The following UBTD1 variants were observed in gnomAD, a reference collection of about 807,000 sequenced individuals.
The protein encoded by UBTD1 is ubiquitin domain-containing protein 1.
Under a neutral mutation model 21.7 loss-of-function variants are expected in UBTD1, and 19 were observed. The ratio of observed to expected loss-of-function variants is 0.87; its 90% confidence interval spans 0.61 to 1.28. The LOEUF is 1.28. UBTD1 is among the 50% of genes most tolerant of loss of function. The pLI is 0.00. For missense variants in UBTD1, 282 were observed against 315.1 expected (o/e 0.89, Z 0.80); for synonymous variants, 116 against 135.1 (o/e 0.86, Z 0.98).
intron 1 of UBTD1, among the ~76,000 whole-genome samples, chr10:97,538,213 C>T (rs1304097427): frequency 1.3e-5 from 2 of 152,002 alleles, no homozygotes; most frequent in African/African-American, 4.8e-5. Context: ...ATATATTGGC[C>T]AGGCACAGTG....
At chr10:97,527,798 C>T (rs964389655) in intron 1 of UBTD1, among the ~76,000 whole-genome samples, 21 of 152,158 alleles carry the variant, frequency 1.4e-4, no homozygotes, top group African/African-American at 3.6e-4. Flanking sequence ...GATCCCAAGG[C>T]AGAAGAATTT....
intron 1 of UBTD1, among the ~76,000 whole-genome samples, chr10:97,523,340 G>A (rs1234699519): frequency 6.6e-6 from 1 of 152,238 alleles, no homozygotes; most frequent in African/African-American, 2.4e-5. Context: ...TTTGCGGAGT[G>A]TCTTCCATGC....
chr10:97,541,728 ATTT>A (rs975827062), intron 1 of UBTD1, among the ~76,000 whole-genome samples: 3 of 98,886 alleles, frequency 3.0e-5, no homozygotes, highest in African/African-American at 4.3e-5. Context: ...GTCCTCTCTG[ATTT>A]TTTTTTTTTT....
chr10:97,515,065 A>G (rs898771860), intron 1 of UBTD1, among the ~76,000 whole-genome samples: 1 of 152,160 alleles, frequency 6.6e-6, no homozygotes, highest in Admixed American at 6.5e-5. Context: ...TGGCATAGGG[A>G]CAGATCTCAG....
At chr10:97,521,906 T>G (rs919887858) in intron 1 of UBTD1, among the ~76,000 whole-genome samples, 1 of 152,218 alleles carries the variant, frequency 6.6e-6, no homozygotes, top group African/African-American at 2.4e-5. Flanking sequence ...ACTACAGATG[T>G]TTGCGTCATT....
At chr10:97,556,946 G>A (rs755012384) in intron 1 of UBTD1, among the ~76,000 whole-genome samples, 11 of 152,180 alleles carry the variant, frequency 7.2e-5, no homozygotes, top group Admixed American at 1.3e-4. Flanking sequence ...CAACTAAGCC[G>A]CCCTACAGGA....
intron 1 of UBTD1, among the ~76,000 whole-genome samples, chr10:97,502,909 GTA>G (rs202112344): frequency 7.6e-6 from 1 of 132,316 alleles, no homozygotes; most frequent in Non-Finnish European, 1.6e-5. Flanking sequence ...GTGTATATAT[GTA>G]TATATATATT....
intron 1 of UBTD1, among the ~76,000 whole-genome samples, chr10:97,566,206 G>A (rs1161686959): frequency 6.7e-6 from 1 of 150,118 alleles, no homozygotes; most frequent in African/African-American, 2.4e-5. Context: ...TTGCAAATCT[G>A]ATTCTTTTGT....
chr10:97,534,104 A>T lies in UBTD1; in HGVS notation c.71-33810A>T, dbSNP rs1220652067. ...CCAGCTTCTGCCGCCTTCCCCTAAG[A>T]CAAAGGTCTGAGGACAGCTTGCCAA... On this transcript the variant is annotated intron_variant, in intron 1 of 2. Transcript: ENST00000370664. 2.0e-5 allele frequency among the ~76,000 whole-genome samples: 3 copies of T among 152,028 alleles called. No homozygotes were observed. In the East Asian group the frequency reaches 5.8e-4, roughly 29 times the overall value.
At chr10:97,533,333 G>A (rs764206304) in intron 1 of UBTD1, among the ~76,000 whole-genome samples, 1 of 152,202 alleles carries the variant, frequency 6.6e-6, no homozygotes, top group African/African-American at 2.4e-5. Context: ...AAGGGAGGAC[G>A]TTTGGGCCAA....
intron 1 of UBTD1, among the ~76,000 whole-genome samples, chr10:97,550,076 C>G (rs142943091): frequency 3.9e-4 from 60 of 152,314 alleles, no homozygotes; most frequent in African/African-American, 1.4e-3. Context: ...TGTATCCTGG[C>G]CAGAGGGCCC....
intron 1 of UBTD1, among the ~76,000 whole-genome samples, chr10:97,526,708 G>A (rs1045687168): frequency 1.3e-5 from 2 of 151,886 alleles, no homozygotes; most frequent in South Asian, 2.1e-4. Context: ...AAAGTCAGCC[G>A]GGCATGGTGG....
chr10:97,515,176 C>T (rs768878144), intron 1 of UBTD1, among the ~76,000 whole-genome samples: 1 of 152,214 alleles, frequency 6.6e-6, no homozygotes, highest in Non-Finnish European at 1.5e-5. Context: ...CTTTTTCTGC[C>T]TGCTCCTGCC....
intron 1 of UBTD1, among the ~76,000 whole-genome samples, chr10:97,509,808 A>G (rs1238548994): frequency 6.6e-6 from 1 of 151,040 alleles, no homozygotes; most frequent in Non-Finnish European, 1.5e-5. Flanking sequence ...ACACCATCAC[A>G]CTCAGCTAAT....
chr10:97,512,588 A>G lies in UBTD1; in HGVS notation c.70+13315A>G, dbSNP rs554147071. Among the ~76,000 whole-genome samples, 16 of 152,368 alleles carry G rather than the reference A, an allele frequency of 1.1e-4. No homozygotes were observed. In the South Asian group the frequency reaches 3.3e-3, roughly 32 times the overall value. On this transcript the variant is annotated intron_variant, in intron 1 of 2. Coordinates refer to ENST00000370664, the MANE Select transcript of UBTD1 (RefSeq NM_024954.5). ...TGTCTTCCTAAGGACAGAATGGGCC[A>G]GTCTTCAGGGTCAGTAGGCAAAAGC...
intron 1 of UBTD1, among the ~76,000 whole-genome samples, chr10:97,528,274 C>T (rs1168749164): frequency 6.7e-5 from 9 of 134,974 alleles, no homozygotes; most frequent in South Asian, 2.5e-4. Context: ...CCTCACCTCC[C>T]GGACGGGGCG....
chr10:97,512,006 C>G (rs2040424868), intron 1 of UBTD1, among the ~76,000 whole-genome samples: 1 of 152,114 alleles, frequency 6.6e-6, no homozygotes, highest in African/African-American at 2.4e-5. Flanking sequence ...TACACCTTAG[C>G]CAGTATGGGA....
chr10:97,549,364 A>C (rs1459614515), intron 1 of UBTD1, among the ~76,000 whole-genome samples: 1 of 151,576 alleles, frequency 6.6e-6, no homozygotes, highest in Admixed American at 6.6e-5. Context: ...AGCTCTGTCT[A>C]CTCTCCCATC....
At chr10:97,567,114 A>C (rs1407361482) in intron 1 of UBTD1, among the ~76,000 whole-genome samples, 1 of 151,686 alleles carries the variant, frequency 6.6e-6, no homozygotes, top group East Asian at 2.0e-4. Context: ...TGTGTTGCCC[A>C]GGATGGAGTG....
Sources: gnomAD v4.1 joint callset for allele counts (sites outside exome capture counted in the v4.1 genomes callset) on GRCh38, gnomAD v4.1.1 for gene constraint, MANE v1.5 for transcripts, NCBI Gene and HGNC (gene_info 2026-07-23, HGNC 2026-07-21) for gene names.